The following RORA variants were observed in gnomAD, a reference collection of about 807,000 sequenced individuals.
The protein encoded by RORA is RAR related orphan receptor A, also known as nuclear receptor ROR-alpha.
A neutral mutation model predicts 69.5 loss-of-function variants in RORA; 7 were observed. That is an observed-to-expected ratio of 0.10 (90% CI 0.06 to 0.19). The LOEUF (loss-of-function observed/expected upper bound fraction) is 0.19, where lower values mean the gene tolerates loss of function less well. Among genes scored for constraint, RORA ranks in the 10% least tolerant of loss-of-function variants. RORA has a pLI of 1.00. For synonymous variants in RORA, 261 were observed against 240.8 expected, an observed-to-expected ratio of 1.08 and a Z score of -0.78; for missense variants, 457 against 663.0, an observed-to-expected ratio of 0.69 and a Z score of 3.41.
In RORA at chr15:61,174,847, G is replaced by A. The variant is rs542760648; in HGVS notation, c.166+54206C>T. ...CTCCATTCTTATGCATATCTGACCC[G>A]CATAATGGCTCTCTAAGGTGGTATT... On this transcript the variant is annotated intron_variant, in intron 1 of 10. Transcript: ENST00000335670. Among the ~76,000 whole-genome samples, 7 of 152,218 alleles carry A rather than the reference G, an allele frequency of 4.6e-5. No individual in the cohort carries two copies. The East Asian group carries it at 7.7e-4, about 17-fold the overall frequency.
rs952268430 is a variant in RORA at position 60,691,672 on chromosome 15, C to T, written c.167-12986G>A. 3.3e-5 allele frequency among the ~76,000 whole-genome samples: 5 copies of T among 152,306 alleles called. No homozygotes were observed. The South Asian group carries it at 1.0e-3, about 32-fold the overall frequency. Reference sequence around the variant, plus strand: ...ACAAAGAGTGAGAGGGGAGAGAACACACGCTAACCCCAGGACCCAAAGCAA... The same window carrying T: ...ACAAAGAGTGAGAGGGGAGAGAACATACGCTAACCCCAGGACCCAAAGCAA... On this transcript the variant is annotated intron_variant, in intron 1 of 10. Coordinates refer to ENST00000335670, the MANE Select transcript of RORA (RefSeq NM_134261.3).
chr15:60,966,545 A>G (rs1893557934), intron 1 of RORA, among the ~76,000 whole-genome samples: 1 of 152,246 alleles, frequency 6.6e-6, no homozygotes, highest in African/African-American at 2.4e-5. Context: ...TCCTAGAACA[A>G]TATCTGGCAC....
chr15:61,054,879 C>T (rs1015861355), intron 1 of RORA, among the ~76,000 whole-genome samples: 31 of 150,836 alleles, frequency 2.1e-4, no homozygotes, highest in African/African-American at 7.6e-4. Flanking sequence ...CTCTGTTGCC[C>T]AGGCTGGAGT....
At chr15:60,750,293 C>G (rs968255526) in intron 1 of RORA, among the ~76,000 whole-genome samples, 3 of 152,206 alleles carry the variant, frequency 2.0e-5, no homozygotes, top group Non-Finnish European at 2.9e-5. Context: ...CTCCACCATG[C>G]CACTGGTCTC....
intron 1 of RORA, among the ~76,000 whole-genome samples, chr15:61,169,705 T>C (rs951970388): frequency 9.9e-5 from 15 of 151,824 alleles, no homozygotes; most frequent in African/African-American, 1.5e-4. Context: ...TTGATTTGCA[T>C]TGGATGCTGA....
At chr15:60,885,414 G>T (rs2073739934) in intron 1 of RORA, among the ~76,000 whole-genome samples, 1 of 152,214 alleles carries the variant, frequency 6.6e-6, no homozygotes, top group African/African-American at 2.4e-5. Flanking sequence ...CCTGGCTGCA[G>T]TTGAATACCA....
At position 60,941,708 on chromosome 15, in the gene RORA, C is replaced by A. The variant is rs112239076; in HGVS notation, c.167-263022G>T. ...TCTCAAGACAAGGAATTTTTGATCT[C>A]ACTTTTTTACGCAATTATGAGTCAT... On this transcript the variant is annotated intron_variant, in intron 1 of 10. Transcript: ENST00000335670. Among the ~76,000 whole-genome samples, 717 of 152,326 alleles carry A rather than the reference C, an allele frequency of 4.7e-3. 4 individuals are homozygous for A. The highest frequency in any genetic ancestry group is 0.017 in the African/African-American group (687 of 41,572).
At chr15:60,897,593 C>T (rs1190203480) in intron 1 of RORA, among the ~76,000 whole-genome samples, 1 of 152,226 alleles carries the variant, frequency 6.6e-6, no homozygotes, top group African/African-American at 2.4e-5. Context: ...TTTCTGTATT[C>T]CACATCCACT....
At chr15:60,798,474 A>C (rs2072529665) in intron 1 of RORA, among the ~76,000 whole-genome samples, 1 of 152,072 alleles carries the variant, frequency 6.6e-6, no homozygotes, top group South Asian at 2.1e-4. Context: ...TAACATGCTT[A>C]GTTGTCTGGT....
chr15:60,832,603 TC>T (rs2073056022), intron 1 of RORA, among the ~76,000 whole-genome samples: 7 of 152,268 alleles, frequency 4.6e-5, no homozygotes, highest in African/African-American at 1.7e-4. Context: ...TGTAGCATAC[TC>T]TTAGACATCT....
chr15:60,559,906 C>T (rs1426282450), intron 2 of RORA, among the ~76,000 whole-genome samples: 2 of 152,174 alleles, frequency 1.3e-5, no homozygotes, highest in African/African-American at 2.4e-5. Flanking sequence ...AATTTAGCCA[C>T]TGTTTTTTTT....
At chr15:60,663,072 C>T (rs1308822859) in intron 2 of RORA, among the ~76,000 whole-genome samples, 1 of 152,240 alleles carries the variant, frequency 6.6e-6, no homozygotes, top group Non-Finnish European at 1.5e-5. Context: ...CACCCCCACT[C>T]TGATCTCCCT....
At chr15:60,592,006 C>T (rs1214821862) in intron 2 of RORA, among the ~76,000 whole-genome samples, 1 of 152,086 alleles carries the variant, frequency 6.6e-6, no homozygotes, top group African/African-American at 2.4e-5. Context: ...CCCTGGGGAC[C>T]GGCCGCGGGC....
At chr15:60,779,385 T>G (rs2072221622) in intron 1 of RORA, among the ~76,000 whole-genome samples, 1 of 152,174 alleles carries the variant, frequency 6.6e-6, no homozygotes, top group Non-Finnish European at 1.5e-5. Flanking sequence ...ATGGTCCATT[T>G]AAATGCCCAG....
chr15:60,524,437 C>T lies in RORA; in HGVS notation c.282+7329G>A, dbSNP rs535238109. 3.4e-4 allele frequency among the ~76,000 whole-genome samples: 52 copies of T among 152,306 alleles called. No homozygotes were observed. In the South Asian group the frequency reaches 8.7e-3, roughly 26 times the overall value. ...TTCTCAAAGTCATAGAATGACCAAG[C>T]GTAAACTTCTATCTCCACAGTTCCC... On this transcript the variant is annotated intron_variant, in intron 3 of 10. Transcript: ENST00000335670.
chr15:61,206,402 G>A (rs1392072031), intron 1 of RORA, among the ~76,000 whole-genome samples: 2 of 152,166 alleles, frequency 1.3e-5, no homozygotes, highest in African/African-American at 4.8e-5. Context: ...AATAGCTGAG[G>A]ACTTGCTGTA....
chr15:61,100,978 A>C (rs2078870412), intron 1 of RORA, among the ~76,000 whole-genome samples: 1 of 152,230 alleles, frequency 6.6e-6, no homozygotes, highest in Non-Finnish European at 1.5e-5. Flanking sequence ...TTGATAGTTT[A>C]TGACTGTCTC....
rs71122880 is a variant in RORA, at chr15:60,859,655, C to CTTTTTT, written c.167-180975_167-180970dup. On this transcript the variant is annotated intron_variant, in intron 1 of 10. Coordinates refer to ENST00000335670, the MANE Select transcript of RORA (RefSeq NM_134261.3). ...TTTTTCTTTCTTTCTTTCTTTCTTTCTTTTTTTTTTTTTTTTAGAGATGGG... is the reference window on the plus strand; with the variant it reads ...TTTTTCTTTCTTTCTTTCTTTCTTTCTTTTTTTTTTTTTTTTTTTTTTAGAGATGGG... Among the ~76,000 whole-genome samples the CTTTTTT allele has an allele frequency of 3.8e-3, 391 of 101,564 alleles. 5 individuals carry two copies. Among genetic ancestry groups the CTTTTTT allele is most frequent in the African/African-American group, 0.013 (323 of 25,732 alleles). 66.6% of individuals were successfully genotyped at this position (101,564 alleles called of 152,430 possible). A position where few individuals can be genotyped will look rare whatever the true frequency, so the allele number is the denominator to read the frequency against.
chr15:61,060,637 AG>A (rs2140539350), intron 1 of RORA, among the ~76,000 whole-genome samples: 1 of 152,282 alleles, frequency 6.6e-6, no homozygotes, highest in Admixed American at 6.5e-5. Flanking sequence ...TCTCATGCCA[AG>A]GACTCTTGGG....
Sources: allele counts gnomAD v4.1 joint callset (sites outside exome capture counted in the v4.1 genomes callset), GRCh38; gene constraint gnomAD v4.1.1; transcripts MANE v1.5; gene names NCBI Gene and HGNC (gene_info 2026-07-23, HGNC 2026-07-21).